The following MITF variants were observed in gnomAD, a reference collection of about 807,000 sequenced individuals.
The protein encoded by MITF is microphthalmia-associated transcription factor.
In MITF, 17 loss-of-function variants were observed where a neutral mutation model predicts 60.5. The ratio of observed to expected loss-of-function variants is 0.28; its 90% CI spans 0.19 to 0.42. The LOEUF (loss-of-function observed/expected upper bound fraction) is 0.42. Ranked by LOEUF, MITF falls within the 10% of genes least tolerant of loss-of-function variation. MITF has a pLI of 1.00. For missense variants in MITF, 622 were observed against 683.5 expected (o/e 0.91, Z 1.00); for synonymous variants, 260 against 248.5 (o/e 1.05, Z -0.43).
intron 1 of MITF, among the ~76,000 whole-genome samples, chr3:69,808,220 A>ATGACTTGACTATGACTTTGACAATGAC (rs2063042403): frequency 6.6e-6 from 1 of 151,608 alleles, no homozygotes; most frequent in Non-Finnish European, 1.5e-5. Flanking sequence ...ACTACTTGAT[A>ATGACTTGACTATGACTTTGACAATGAC]TAATTGTAAA....
intron 1 of MITF, among the ~76,000 whole-genome samples, chr3:69,790,490 G>A (rs2062722597): frequency 6.6e-6 from 1 of 152,072 alleles, no homozygotes; most frequent in South Asian, 2.1e-4. Flanking sequence ...TAACATGTTT[G>A]TTTATTTGTT....
At chr3:69,797,296 A>G (rs2062846763) in intron 1 of MITF, among the ~76,000 whole-genome samples, 1 of 152,082 alleles carries the variant, frequency 6.6e-6, no homozygotes, top group Non-Finnish European at 1.5e-5. Flanking sequence ...GTACATATTC[A>G]GAGAGGTATT....
At chr3:69,809,037 AATTTAAGAGAT>A (rs1208664592) in intron 1 of MITF, among the ~76,000 whole-genome samples, 1 of 152,064 alleles carries the variant, frequency 6.6e-6, no homozygotes. Context: ...CATATGGATA[AATTTAAGAGAT>A]ATTTTGGAGC....
At chr3:69,768,942 G>C (rs372306634) in intron 1 of MITF, among the ~76,000 whole-genome samples, 1 of 152,172 alleles carries the variant, frequency 6.6e-6, no homozygotes, top group African/African-American at 2.4e-5. Context: ...GTCCCATTTT[G>C]CATGATTTGG....
chr3:69,942,784 G>A (rs1395760963), intron 5 of MITF, among the ~76,000 whole-genome samples: 1 of 152,132 alleles, frequency 6.6e-6, no homozygotes, highest in Non-Finnish European at 1.5e-5. Flanking sequence ...ACAAACATGA[G>A]TAAAACACTT....
chr3:69,942,808 C>T (rs1238816587), intron 5 of MITF, among the ~76,000 whole-genome samples: 2 of 152,072 alleles, frequency 1.3e-5, no homozygotes, highest in African/African-American at 4.8e-5. Flanking sequence ...GGAGCATGCC[C>T]TGGGGAATTT....
At chr3:69,963,016 G>A (rs1559754211) in intron 9 of MITF, among the ~76,000 whole-genome samples, 1 of 152,146 alleles carries the variant, frequency 6.6e-6, no homozygotes, top group Non-Finnish European at 1.5e-5. Flanking sequence ...TTTCCTGTGT[G>A]TGTCTGTCCC....
intron 1 of MITF, among the ~76,000 whole-genome samples, chr3:69,794,800 C>T (rs1391410820): frequency 1.3e-5 from 2 of 152,186 alleles, no homozygotes; most frequent in Non-Finnish European, 2.9e-5. Flanking sequence ...TTAGTCTGAC[C>T]TCAATCACTC....
chr3:69,862,644 A>G (rs968753268), intron 1 of MITF, among the ~76,000 whole-genome samples: 1 of 152,226 alleles, frequency 6.6e-6, no homozygotes, highest in African/African-American at 2.4e-5. Context: ...TAACCTGTTC[A>G]AAGCAGTGAT....
At chr3:69,808,623 G>T (rs191743735) in intron 1 of MITF, among the ~76,000 whole-genome samples, 3 of 151,996 alleles carry the variant, frequency 2.0e-5, no homozygotes, top group African/African-American at 7.3e-5. Context: ...AAGGGAGTAC[G>T]GTGTGACCAA....
intron 2 of MITF, among the ~76,000 whole-genome samples, chr3:69,929,101 C>T (rs2065657860): frequency 6.6e-6 from 1 of 152,146 alleles, no homozygotes; most frequent in Admixed American, 6.6e-5. Flanking sequence ...TTCCTCAGGA[C>T]GTTTCCAGAG....
At chr3:69,923,912 T>C (rs1473744704) in intron 2 of MITF, among the ~76,000 whole-genome samples, 1 of 151,778 alleles carries the variant, frequency 6.6e-6, no homozygotes, top group Non-Finnish European at 1.5e-5. Flanking sequence ...AGGTTTTTGT[T>C]TGTTTTTTTT....
chr3:69,893,785 G>A (rs1050184986), intron 2 of MITF, among the ~76,000 whole-genome samples: 3 of 152,136 alleles, frequency 2.0e-5, no homozygotes, highest in Non-Finnish European at 4.4e-5. Flanking sequence ...AAAACTACCT[G>A]GCTATGTAGA....
At chr3:69,906,278 C>A (rs1175750441) in intron 2 of MITF, among the ~76,000 whole-genome samples, 4 of 152,054 alleles carry the variant, frequency 2.6e-5, no homozygotes, top group African/African-American at 9.7e-5. Context: ...ATGTGTGGGT[C>A]TATTTCTAGA....
chr3:69,777,760 G>A (rs2062497846), intron 1 of MITF, among the ~76,000 whole-genome samples: 1 of 152,150 alleles, frequency 6.6e-6, no homozygotes, highest in African/African-American at 2.4e-5. Context: ...GCATATCTCT[G>A]ATAACAGTAT....
At position 69,850,835 on chromosome 3, in the gene MITF, T is replaced by G. The variant is rs531174528; in HGVS notation, c.105-28299T>G. On this transcript the variant is annotated intron_variant, in intron 1 of 9. Coordinates refer to ENST00000352241, the MANE Select transcript of MITF (RefSeq NM_001354604.2). ...ATTTGGACATATGTTGTTTTGTGTC[T>G]AAATCAACAGAAATAAGTGCAGCTG... Among the ~76,000 whole-genome samples, 21 of 152,288 alleles carry G rather than the reference T, an allele frequency of 1.4e-4. No homozygotes were observed. In the South Asian group the frequency reaches 4.1e-3, roughly 30 times the overall value.
intron 1 of MITF, among the ~76,000 whole-genome samples, chr3:69,792,296 A>C (rs2062753002): frequency 6.6e-6 from 1 of 152,138 alleles, no homozygotes; most frequent in Non-Finnish European, 1.5e-5. Context: ...TTTATCCATT[A>C]AATTGGTCAA....
At chr3:69,902,399 C>G (rs976534128) in intron 2 of MITF, among the ~76,000 whole-genome samples, 2 of 152,088 alleles carry the variant, frequency 1.3e-5, no homozygotes, top group Non-Finnish European at 2.9e-5. Flanking sequence ...GTCCCCAGCA[C>G]CTAAAATATT....
At chr3:69,771,154 C>CT (rs1215931883) in intron 1 of MITF, among the ~76,000 whole-genome samples, 2 of 151,814 alleles carry the variant, frequency 1.3e-5, no homozygotes, top group Non-Finnish European at 2.9e-5. Flanking sequence ...CCTGCTGTTG[C>CT]TATGTATGAG....
Sources: gnomAD v4.1 joint callset for allele counts (sites outside exome capture counted in the v4.1 genomes callset) on GRCh38, gnomAD v4.1.1 for gene constraint, MANE v1.5 for transcripts, NCBI Gene and HGNC (gene_info 2026-07-23, HGNC 2026-07-21) for gene names.